Variants in TMEM132D observed in about 807,000 individuals in gnomAD.
The protein encoded by TMEM132D is transmembrane protein 132D.
A neutral mutation model predicts 62.3 loss-of-function variants in TMEM132D; 21 were observed. The observed-to-expected ratio is 0.34, with a 90% CI of 0.24 to 0.49. The LOEUF (loss-of-function observed/expected upper bound fraction) is 0.49. Among genes scored for constraint, TMEM132D ranks in the 20% least tolerant of loss-of-function variants. TMEM132D has a pLI of 0.99. For missense variants in TMEM132D, 1,346 were observed against 1,402.8 expected (o/e 0.96, Z 0.65); for synonymous variants, 621 against 575.6 (o/e 1.08, Z -1.13).
At chr12:129,522,153 A>G (rs912913782) in intron 3 of TMEM132D, among the ~76,000 whole-genome samples, 3 of 152,218 alleles carry the variant, frequency 2.0e-5, no homozygotes, top group Non-Finnish European at 4.4e-5. Flanking sequence ...GATGTCACCA[A>G]AGAAAGTTCT....
At chr12:129,459,681 T>C (rs1198464923) in intron 3 of TMEM132D, among the ~76,000 whole-genome samples, 1 of 152,208 alleles carries the variant, frequency 6.6e-6, no homozygotes, top group Non-Finnish European at 1.5e-5. Flanking sequence ...TTCTCAAGGA[T>C]TCATGAAATC....
chr12:129,220,823 G>A (rs900577356), intron 4 of TMEM132D, among the ~76,000 whole-genome samples: 1 of 151,462 alleles, frequency 6.6e-6, no homozygotes, highest in African/African-American at 2.4e-5. Flanking sequence ...AAAGACAGAT[G>A]TCCAGATCAG....
At chr12:129,424,333 C>T (rs548812524) in intron 3 of TMEM132D, among the ~76,000 whole-genome samples, 28 of 152,286 alleles carry the variant, frequency 1.8e-4, no homozygotes, top group Non-Finnish European at 3.1e-4. Flanking sequence ...TCTCTAGTCA[C>T]GCACTCAAAA....
At chr12:129,435,382 T>C (rs1390849680) in intron 3 of TMEM132D, among the ~76,000 whole-genome samples, 3 of 152,234 alleles carry the variant, frequency 2.0e-5, no homozygotes, top group Non-Finnish European at 2.9e-5. Context: ...TTTAATTTTT[T>C]AAGGTGCCTA....
intron 3 of TMEM132D, among the ~76,000 whole-genome samples, chr12:129,510,757 A>AGAGGG (rs1441496043): frequency 3.9e-5 from 6 of 152,110 alleles, no homozygotes; most frequent in Admixed American, 6.5e-5. Context: ...TCCAGCGTCT[A>AGAGGG]ATAATTATTT....
chr12:129,407,585 C>A (rs563717754), intron 3 of TMEM132D, among the ~76,000 whole-genome samples: 2 of 152,114 alleles, frequency 1.3e-5, no homozygotes, highest in South Asian at 4.2e-4. Context: ...AGCCAGGGAC[C>A]CATTTTTCTT....
chr12:129,863,836 A>AT (rs1447587024), intron 1 of TMEM132D, among the ~76,000 whole-genome samples: 1 of 152,016 alleles, frequency 6.6e-6, no homozygotes, highest in Non-Finnish European at 1.5e-5. Context: ...CTTTTCTGCC[A>AT]TTTTCTGGTA....
intron 3 of TMEM132D, among the ~76,000 whole-genome samples, chr12:129,382,070 G>A (rs11060297): frequency 0.22 from 34,119 of 152,152 alleles, 4,075 homozygotes; most frequent in Non-Finnish European, 0.27. Context: ...GGTGGTACAA[G>A]TCTGAAAATC....
intron 4 of TMEM132D, among the ~76,000 whole-genome samples, chr12:129,321,514 T>C (rs1392233582): frequency 6.6e-6 from 1 of 152,088 alleles, no homozygotes; most frequent in African/African-American, 2.4e-5. Flanking sequence ...ATTTTGAAGA[T>C]AAATGTGGTC....
intron 4 of TMEM132D, among the ~76,000 whole-genome samples, chr12:129,222,330 T>G (rs1456423107): frequency 6.6e-6 from 1 of 152,204 alleles, no homozygotes; most frequent in Non-Finnish European, 1.5e-5. Context: ...ATTGTTAAAA[T>G]GTTACCCGTC....
At chr12:129,801,899 C>A (rs1463089476) in intron 1 of TMEM132D, among the ~76,000 whole-genome samples, 1 of 151,550 alleles carries the variant, frequency 6.6e-6, no homozygotes, top group Non-Finnish European at 1.5e-5. Context: ...ATGAAGAAGC[C>A]TCAGGAGCCG....
At chr12:129,707,749 C>A (rs116708756) in intron 1 of TMEM132D, among the ~76,000 whole-genome samples, 1 of 152,144 alleles carries the variant, frequency 6.6e-6, no homozygotes, top group African/African-American at 2.4e-5. Context: ...TTCATGGTAT[C>A]ATTCCCAACA....
intron 4 of TMEM132D, among the ~76,000 whole-genome samples, chr12:129,283,416 G>A (rs994146448): frequency 2.0e-5 from 3 of 151,986 alleles, no homozygotes; most frequent in Admixed American, 6.5e-5. Context: ...GGTCTCGAAC[G>A]CCTGACCTCA....
intron 2 of TMEM132D, among the ~76,000 whole-genome samples, chr12:129,558,467 G>C (rs971905421): frequency 2.0e-5 from 3 of 152,164 alleles, no homozygotes; most frequent in African/African-American, 2.4e-5. Context: ...GGATCAGGGG[G>C]CTACAGGCGA....
chr12:129,667,819 T>G (rs923589596), intron 2 of TMEM132D, among the ~76,000 whole-genome samples: 2 of 152,120 alleles, frequency 1.3e-5, no homozygotes, highest in African/African-American at 2.4e-5. Context: ...TGTTGGTATA[T>G]GGTCCAAAAT....
At chr12:129,736,245 AGT>A (rs1480935694) in intron 1 of TMEM132D, among the ~76,000 whole-genome samples, 2 of 152,236 alleles carry the variant, frequency 1.3e-5, no homozygotes, top group Non-Finnish European at 2.9e-5. Flanking sequence ...CATTTATAAC[AGT>A]GTGATACTTC....
chr12:129,646,693 C>T (rs766699528), intron 2 of TMEM132D, among the ~76,000 whole-genome samples: 46 of 151,700 alleles, frequency 3.0e-4, no homozygotes, highest in South Asian at 2.1e-4. Flanking sequence ...TATACAAATG[C>T]GTGGGTATGC....
At chr12:129,305,890 G>T (rs1566027903) in intron 4 of TMEM132D, among the ~76,000 whole-genome samples, 1 of 152,144 alleles carries the variant, frequency 6.6e-6, no homozygotes, top group Non-Finnish European at 1.5e-5. Flanking sequence ...TCAAATTGTA[G>T]ATACAAAGCA....
At chr12:129,253,597 A>T (rs1880325883) in intron 4 of TMEM132D, among the ~76,000 whole-genome samples, 1 of 152,240 alleles carries the variant, frequency 6.6e-6, no homozygotes, top group South Asian at 2.1e-4. Context: ...ACACTGAGCA[A>T]AGGGGATACC....
Sources: allele counts gnomAD v4.1 joint callset (sites outside exome capture counted in the v4.1 genomes callset), GRCh38; gene constraint gnomAD v4.1.1; transcripts MANE v1.5; gene names NCBI Gene and HGNC (gene_info 2026-07-23, HGNC 2026-07-21).